The following CRMP1 variants were observed in gnomAD, a reference collection of about 807,000 sequenced individuals.
CRMP1 encodes dihydropyrimidinase-related protein 1.
In CRMP1, 19 loss-of-function variants were observed where a neutral mutation model predicts 68.3. The observed-to-expected ratio is 0.28, with a 90% CI of 0.19 to 0.41. The LOEUF (loss-of-function observed/expected upper bound fraction) is 0.41, where lower values mean the gene tolerates loss of function less well. CRMP1 is among the 10% of genes least tolerant of loss of function. CRMP1 has a pLI of 1.00. For synonymous variants in CRMP1, 439 were observed against 399.6 expected (o/e 1.10, Z -1.18); for missense variants, 791 against 967.4 (o/e 0.82, Z 2.42).
chr4:5,892,891 T>C lies in CRMP1; in HGVS notation c.79A>G (p.Thr27Ala). Residue 27 changes from threonine to alanine, a missense_variant, in exon 1 of 14, where the codon ACC (threonine) becomes GCC (alanine). Transcript: ENST00000324989. This position sits in a 1 kb window ranked among gnomAD's most constrained non-coding sequence, Gnocchi z 8.6. ...YLARPGSAAQTPRQKYGGMFA... is the reference protein window; with the variant it reads ...YLARPGSAAQAPRQKYGGMFA... ...ATGCCGCCGTACTTCTGGCGCGGGG[T>C]CTGCGCCGCGCTGCCCGGCCGCGCC... is the stretch of plus-strand genomic sequence containing the variant. 1 of 1,399,858 alleles carries C rather than the reference T, an allele frequency of 7.1e-7. No homozygotes were observed. The highest frequency in any genetic ancestry group is 9.3e-7 in the Non-Finnish European group (1 of 1,069,754). 86.7% of individuals were successfully genotyped at this position (1,399,858 alleles called of 1,614,324 possible).
chr4:5,886,072 A>C (rs887532915), intron 1 of CRMP1, among the ~76,000 whole-genome samples: 23 of 152,200 alleles, frequency 1.5e-4, no homozygotes, highest in African/African-American at 5.3e-4. Flanking sequence ...ATTCAAGTGG[A>C]TCCTCTCTGA....
chr4:5,824,189 C>T (rs1159472285), intron 13 of CRMP1: 1 of 498,310 alleles, frequency 2.0e-6, no homozygotes, highest in African/African-American at 2.1e-5. Context: ...AACAGTGGTC[C>T]AGTTTGCAAA....
Position 5,866,126 on chromosome 4 carries a change from G to A in CRMP1, c.470+542C>T, listed in dbSNP as rs1337653553. 6.6e-6 allele frequency among the ~76,000 whole-genome samples: 1 copy of A among 152,168 alleles called. No homozygotes were observed. The highest frequency in any genetic ancestry group is 1.5e-5 in the Non-Finnish European group (1 of 68,032). On this transcript the variant is annotated intron_variant, in intron 2 of 13. Coordinates refer to ENST00000324989, the MANE Select transcript of CRMP1 (RefSeq NM_001014809.3). This position sits in a 1 kb window ranked among gnomAD's most constrained non-coding sequence, Gnocchi z 5.9. ...GGTTGTCATAAGCAGGGCTGAAGAG[G>A]GAGCCAATGAGAAGAAAGGGAAGGA...
chr4:5,828,050 G>T (rs1263750903), intron 12 of CRMP1: 1 of 985,312 alleles, frequency 1.0e-6, no homozygotes, highest in Non-Finnish European at 1.2e-6. Flanking sequence ...CTGCCTGCAA[G>T]ATGCCAGGGG....
intron 6 of CRMP1, among the ~76,000 whole-genome samples, chr4:5,846,757 ATTTTTTTTTTTTTTTTTTTTTT>A (rs71171490): frequency 7.4e-5 from 4 of 53,708 alleles, no homozygotes; most frequent in African/African-American, 2.2e-4. Context: ...TGCCCGGCTA[ATTTTTTTTTTTTTTTTTTTTTT>A]TTTTTTTTTT....
chr4:5,889,753 C>T lies in CRMP1; in HGVS notation c.381+2836G>A. ...GGGTGGCCTAGGCTTGGTACAGCTC[C>T]CCCAGCACTGTGGTTGGGGGCTGGG... On this transcript the variant is annotated intron_variant, in intron 1 of 13. Coordinates refer to ENST00000324989, the MANE Select transcript of CRMP1 (RefSeq NM_001014809.3). This position sits in a 1 kb window ranked among gnomAD's most constrained non-coding sequence, Gnocchi z 4.5. 6.5e-7 allele frequency: 1 copy of T among 1,534,594 alleles called. No homozygotes were observed.
In CRMP1 at chr4:5,828,552, G is replaced by A; in HGVS notation, c.1740C>T (p.Gly580=). 1 of 1,614,210 alleles carries A rather than the reference G, an allele frequency of 6.2e-7. No homozygotes were observed. The highest frequency in any genetic ancestry group is 1.1e-5 in the South Asian group (1 of 91,078). Residue 580 remains glycine (G), a synonymous_variant, in exon 12 of 14, where the codon GGC becomes GGT. Coordinates refer to ENST00000324989, the MANE Select transcript of CRMP1 (RefSeq NM_001014809.3). ...DGNINVNKGM[G]RFIPRKAFPE... is the part of the protein sequence containing the mutation. Reference sequence around the variant, plus strand: ...GGAACGCCTTCCGCGGAATGAAGCGGCCCATGCCCTTGTTGACGTTGATGT... The same window carrying A: ...GGAACGCCTTCCGCGGAATGAAGCGACCCATGCCCTTGTTGACGTTGATGT...
At chr4:5,849,192 G>T (rs1712441398) in intron 6 of CRMP1, among the ~76,000 whole-genome samples, 200 bp downstream of exon 6, 2 of 152,206 alleles carry the variant, frequency 1.3e-5, no homozygotes, top group South Asian at 4.1e-4. Context: ...AGGAACACCA[G>T]CTTCCATGTG....
chr4:5,856,314 C>G lies in CRMP1; in HGVS notation c.656-7G>C, dbSNP rs1175349211. The G allele has an allele frequency of 4.3e-6, 7 of 1,612,842 alleles. No homozygotes were observed. The Admixed American group carries it at 1.2e-4, about 27-fold the overall frequency. ...TCAGGAACAACATGGTCAACTGGGA[C>G]AGAGAAATATGCATCATGATGCTTC... On this transcript the variant is annotated splice_polypyrimidine_tract_variant and splice_region_variant and intron_variant, in intron 3 of 13. Transcript: ENST00000324989.
chr4:5,837,929 A>G (rs775943043), intron 9 of CRMP1, among the ~76,000 whole-genome samples: 21 of 152,306 alleles, frequency 1.4e-4, no homozygotes, highest in Admixed American at 5.9e-4. Context: ...GAGCTTCTGC[A>G]TGTGTCAGCT....
Position 5,866,550 on chromosome 4 carries a change from C to G in CRMP1, c.470+118G>C, listed in dbSNP as rs1714012490. ...CCCAACCTCTGTGAGGTCTCTACCC[C>G]TGAAACACAGGTACACAGCCCCGTC... On this transcript the variant is annotated intron_variant, in intron 2 of 13. Coordinates refer to ENST00000324989, the MANE Select transcript of CRMP1 (RefSeq NM_001014809.3). The surrounding 1 kb of genome is among the most constrained non-coding windows in gnomAD (Gnocchi z 5.9). 2 of 727,502 alleles carry G rather than the reference C, an allele frequency of 2.7e-6. No individual in the cohort carries two copies. Among genetic ancestry groups the G allele is most frequent in the Non-Finnish European group, 4.6e-6 (2 of 434,510 alleles). The allele number at this position is 727,502 out of a possible 1,614,324, so 45.1% of individuals were successfully genotyped here.
chr4:5,841,272 C>T lies in CRMP1; in HGVS notation c.1153+36G>A, dbSNP rs1377721627. On this transcript the variant is annotated intron_variant, in intron 8 of 13. Transcript: ENST00000324989. This position sits in a 1 kb window ranked among gnomAD's most constrained non-coding sequence, Gnocchi z 6.9. ...CTGCAGGACACCCCCTTCCAGGCCCCAGCTGCCCCCAGAAGGCCCAGGGCC... is the reference window on the plus strand; with the variant it reads ...CTGCAGGACACCCCCTTCCAGGCCCTAGCTGCCCCCAGAAGGCCCAGGGCC... 1.2e-6 allele frequency: 2 copies of T among 1,613,676 alleles called. No individual in the cohort carries two copies. The highest frequency in any genetic ancestry group is 1.3e-5 in the African/African-American group (1 of 75,020).
chr4:5,827,526 T>C (rs1271811441), intron 12 of CRMP1, among the ~76,000 whole-genome samples: 2 of 152,038 alleles, frequency 1.3e-5, no homozygotes, highest in Non-Finnish European at 2.9e-5. Context: ...TCCATCTCAA[T>C]TGGTCACTTA....
At position 5,888,236 on chromosome 4, in the gene CRMP1, G is replaced by A. The variant is rs1715741144; in HGVS notation, c.381+4353C>T. The stretch of plus-strand genomic sequence containing the variant: ...GGGCGGGGGCCGCTTACCGTGATGT[G>A]CGGGATGCTCTTCTTGCCCTGGTAC... On this transcript the variant is annotated intron_variant, in intron 1 of 13. Transcript: ENST00000324989. The surrounding 1 kb of genome is among the most constrained non-coding windows in gnomAD (Gnocchi z 6.4). The A allele has an allele frequency of 2.3e-6, 3 of 1,285,000 alleles. No homozygotes were observed. Among genetic ancestry groups the A allele is most frequent in the Admixed American group, 3.7e-5 (1 of 27,076 alleles). The allele number at this position is 1,285,000 out of a possible 1,614,324, so 79.6% of individuals were successfully genotyped here. A position where few individuals can be genotyped will look rare whatever the true frequency, so the allele number is the denominator to read the frequency against.
In CRMP1 at chr4:5,888,442, C is replaced by A; in HGVS notation, c.381+4147G>T. 8.2e-7 allele frequency: 1 copy of A among 1,214,478 alleles called. No homozygotes were observed. Among genetic ancestry groups the A allele is most frequent in the Admixed American group, 4.3e-5 (1 of 23,072 alleles). The allele number at this position is 1,214,478 out of a possible 1,614,324, so 75.2% of individuals were successfully genotyped here. ...GCGCGGCTGCCCCGGCTGCTCGGCC[C>A]GCCCGCCGCCGCTCCGGCTGCCAGC... On this transcript the variant is annotated intron_variant, in intron 1 of 13. Transcript: ENST00000324989. This position sits in a 1 kb window ranked among gnomAD's most constrained non-coding sequence, Gnocchi z 6.4.
At chr4:5,847,434 A>C (rs866058094) in intron 6 of CRMP1, among the ~76,000 whole-genome samples, 3 of 152,322 alleles carry the variant, frequency 2.0e-5, no homozygotes, top group African/African-American at 7.2e-5. Context: ...AGGAAGTCTC[A>C]GATGTGGCCC....
In CRMP1 at chr4:5,861,187, A is replaced by G. The variant is rs1038411295; in HGVS notation, c.494T>C (p.Val165Ala). ...LIKQIGENLI[V>A]PGGVKTIEAN... is the part of the protein sequence containing the mutation. ...TTCAATGGTCTTCACTCCACCAGGA[A>G]CGATTAAGTTCTCTCCTATTTGTCT... Residue 165 changes from valine (V) to alanine (A), a missense_variant, in exon 3 of 14, where the codon GTT becomes GCT. Around this residue, in one of 3 missense-constraint regions of CRMP1, gnomAD observed 594 missense variants for 763.6 expected, o/e 0.78. Coordinates refer to ENST00000324989, the MANE Select transcript of CRMP1 (RefSeq NM_001014809.3). This position sits in a 1 kb window ranked among gnomAD's most constrained non-coding sequence, Gnocchi z 6.0. 1.2e-5 allele frequency: 20 copies of G among 1,614,166 alleles called. No homozygotes were observed. Among genetic ancestry groups the G allele is most frequent in the Non-Finnish European group, 1.4e-5 (16 of 1,180,012 alleles).
Position 5,842,620 on chromosome 4 carries a change from ACT to A in CRMP1, c.1032+471_1032+472del, listed in dbSNP as rs756931864. ...CTCTCACACACACACACACACACTC[ACT>A]CACACACACACACACGCACTGTCTC... On this transcript the variant is annotated intron_variant, in intron 7 of 13. Coordinates refer to ENST00000324989, the MANE Select transcript of CRMP1 (RefSeq NM_001014809.3). The surrounding 1 kb of genome is among the most constrained non-coding windows in gnomAD (Gnocchi z 4.5). Among the ~76,000 whole-genome samples the A allele has an allele frequency of 1.9e-4, 28 of 147,292 alleles. No individual in the cohort carries two copies. The highest frequency in any genetic ancestry group is 9.8e-4 in the East Asian group (5 of 5,080).
chr4:5,835,695 AAGAG>A (rs1307114486), intron 11 of CRMP1, among the ~76,000 whole-genome samples: 3 of 152,060 alleles, frequency 2.0e-5, no homozygotes, highest in Non-Finnish European at 2.9e-5. Flanking sequence ...AGAGGAGAGG[AAGAG>A]AGAGAGAGAA....
Sources: allele counts gnomAD v4.1 joint callset (sites outside exome capture counted in the v4.1 genomes callset), GRCh38; gene constraint gnomAD v4.1.1; regional missense constraint gnomAD v4.1.1; non-coding constraint Gnocchi (gnomAD v3.1); transcripts MANE v1.5; gene names NCBI Gene and HGNC (gene_info 2026-07-23, HGNC 2026-07-21).